Variants in CDCP1 observed in about 807,000 individuals in gnomAD.
The protein encoded by CDCP1 is CUB domain-containing protein 1.
CDCP1 carries 29 observed loss-of-function variants against 60.2 expected under a neutral mutation model. That is an observed-to-expected ratio of 0.48 (90% confidence interval 0.36 to 0.66). The LOEUF (loss-of-function observed/expected upper bound fraction) is 0.66, where lower values mean the gene tolerates loss of function less well. Among genes scored for constraint, CDCP1 ranks in the 30% least tolerant of loss-of-function variants. The probability of loss-of-function intolerance (pLI) is 0.00; values close to 1 mark genes in which losing one functional copy is unlikely to be tolerated. For missense variants in CDCP1, 876 were observed against 1,074.3 expected, an observed-to-expected ratio of 0.82 and a Z score of 2.58; for synonymous variants, 387 against 431.1, an observed-to-expected ratio of 0.90 and a Z score of 1.27.
chr3:45,099,675 G>A (rs1027881050), intron 4 of CDCP1, among the ~76,000 whole-genome samples: 7 of 151,242 alleles, frequency 4.6e-5, no homozygotes, highest in Admixed American at 1.3e-4. Flanking sequence ...TCTTTCTATC[G>A]CGCTGGCTTT....
intron 1 of CDCP1, among the ~76,000 whole-genome samples, chr3:45,137,464 G>A (rs1048220871): frequency 6.6e-6 from 1 of 152,142 alleles, no homozygotes; most frequent in Non-Finnish European, 1.5e-5. Flanking sequence ...CACCATTCGG[G>A]TTGTGGTGGG....
At chr3:45,095,235 G>A in intron 5 of CDCP1, 112 bp downstream of exon 5, 1 of 968,906 alleles carries the variant, frequency 1.0e-6, no homozygotes, top group Non-Finnish European at 1.6e-6. Context: ...TGCCCGGCCA[G>A]ATGGGCCTTT....
intron 4 of CDCP1, among the ~76,000 whole-genome samples, chr3:45,104,615 G>A (rs1698531249): frequency 6.6e-6 from 1 of 152,186 alleles, no homozygotes; most frequent in Non-Finnish European, 1.5e-5. Flanking sequence ...AAGGAGGAAT[G>A]ACTATTGTTA....
intron 4 of CDCP1, among the ~76,000 whole-genome samples, chr3:45,097,709 C>T (rs756048580): frequency 1.3e-5 from 2 of 152,156 alleles, no homozygotes; most frequent in Non-Finnish European, 2.9e-5. Context: ...GATGGACTCT[C>T]TCCTCTTGAA....
At chr3:45,112,534 A>G in intron 2 of CDCP1, 89 bp from the exon 3 acceptor site, 6 of 1,529,450 alleles carry the variant, frequency 3.9e-6, no homozygotes, top group Non-Finnish European at 5.3e-6. Flanking sequence ...CCTGTAGTAG[A>G]CTCTTTGGGG....
At chr3:45,146,105 A>T in intron 1 of CDCP1, 101 bp downstream of exon 1, 3 of 1,100,396 alleles carry the variant, frequency 2.7e-6, no homozygotes, top group South Asian at 1.6e-5. Flanking sequence ...CACCCTCCGC[A>T]CCCTCCGCAC....
chr3:45,100,779 A>G (rs138329073), intron 4 of CDCP1, among the ~76,000 whole-genome samples: 6 of 152,274 alleles, frequency 3.9e-5, no homozygotes, highest in Non-Finnish European at 7.4e-5. Context: ...GGAAGTCATG[A>G]TTTTCCTTTT....
chr3:45,118,558 G>C lies in CDCP1; in HGVS notation c.146C>G (p.Pro49Arg). Residue 49 changes from proline to arginine, a missense_variant, in exon 2 of 9, where the codon CCG (proline) becomes CGG (arginine). Pro to Arg is a moderately radical substitution (Grantham distance 103). Transcript: ENST00000296129. ...NITVLIKLGT[P>R]TLLAKPCYIV... The stretch of plus-strand genomic sequence containing the variant: ...GTAACAGGGTTTTGCCAGCAGAGTC[G>C]GGGTCCCCAGCTTTATGAGAACTGT... The C allele has an allele frequency of 6.2e-7, 1 of 1,614,084 alleles. No homozygotes were observed. Among genetic ancestry groups the C allele is most frequent in the Non-Finnish European group, 8.5e-7 (1 of 1,180,020 alleles).
rs1414882048 is a variant in CDCP1 at position 45,112,300 on chromosome 3, C to T, written c.438G>A (p.Leu146=). ...GLELQFSIPR[L]RQIGPGESCP... ...AGCTCTCACCCGGACCGATCTGCCT[C>T]AGGCGAGGGATGGAAAACTGCAGCT... is the stretch of plus-strand genomic sequence containing the variant. The change falls in exon 3 of 9, where the codon CTG becomes CTA. Residue 146 remains leucine (L), a synonymous_variant. Coordinates refer to ENST00000296129, the MANE Select transcript of CDCP1 (RefSeq NM_022842.5). The T allele has an allele frequency of 3.7e-6, 6 of 1,614,070 alleles. No individual in the cohort carries two copies. Among genetic ancestry groups the T allele is most frequent in the East Asian group, 2.2e-5 (1 of 44,892 alleles).
intron 1 of CDCP1, among the ~76,000 whole-genome samples, chr3:45,141,327 A>G (rs1482939491): frequency 1.3e-5 from 2 of 152,248 alleles, no homozygotes; most frequent in Non-Finnish European, 2.9e-5. Flanking sequence ...ATGGTTTGGT[A>G]GTCCTCAAGT....
chr3:45,086,543 C>T (rs925751685), intron 8 of CDCP1, among the ~76,000 whole-genome samples: 5 of 152,102 alleles, frequency 3.3e-5, no homozygotes, highest in African/African-American at 9.7e-5. Context: ...AAGCTCTGAC[C>T]ATCTAGATTT....
chr3:45,101,424 T>G (rs1698483589), intron 4 of CDCP1, among the ~76,000 whole-genome samples: 1 of 152,204 alleles, frequency 6.6e-6, no homozygotes, highest in Non-Finnish European at 1.5e-5. Context: ...CAACTGCCTC[T>G]CCTCTAGCCT....
chr3:45,085,514 A>G lies in CDCP1; in HGVS notation c.*124T>C, dbSNP rs1698171992. The G allele has an allele frequency of 9.7e-7, 1 of 1,028,982 alleles. No homozygotes were observed. The highest frequency in any genetic ancestry group is 2.3e-5 in the Admixed American group (1 of 43,366). The allele number at this position is 1,028,982 out of a possible 1,614,324, so 63.7% of individuals were successfully genotyped here. ...GAGCAATGTGAAGTTGGCGGTGTCC[A>G]GGAAAACCTCCTGCTGTTCCTTCTG... On this transcript the variant is annotated 3_prime_UTR_variant, in exon 9 of 9. Transcript: ENST00000296129. The surrounding 1 kb of genome is among the most constrained non-coding windows in gnomAD (Gnocchi z 4.2).
At chr3:45,106,443 G>C (rs906466135) in intron 4 of CDCP1, among the ~76,000 whole-genome samples, 1 of 152,186 alleles carries the variant, frequency 6.6e-6, no homozygotes, top group African/African-American at 2.4e-5. Context: ...CACTGTATCT[G>C]CCTTGCCCCT....
At chr3:45,135,360 C>A (rs914165331) in intron 1 of CDCP1, among the ~76,000 whole-genome samples, 8 of 151,776 alleles carry the variant, frequency 5.3e-5, no homozygotes, top group African/African-American at 1.9e-4. Context: ...TGGGGCAGAG[C>A]ACTTTCTGCA....
At chr3:45,106,645 C>T (rs1160849808) in intron 4 of CDCP1, among the ~76,000 whole-genome samples, 5 of 151,956 alleles carry the variant, frequency 3.3e-5, no homozygotes, top group Non-Finnish European at 1.5e-5. Context: ...GACGTGGAGA[C>T]AGATAAATCC....
intron 1 of CDCP1, among the ~76,000 whole-genome samples, chr3:45,136,915 C>A (rs963114009): frequency 2.0e-5 from 3 of 152,124 alleles, no homozygotes; most frequent in African/African-American, 7.2e-5. Flanking sequence ...GGAGGAACTT[C>A]GCAGGGTGAT....
At chr3:45,134,050 C>A (rs530507893) in intron 1 of CDCP1, among the ~76,000 whole-genome samples, 1 of 152,306 alleles carries the variant, frequency 6.6e-6, no homozygotes, top group East Asian at 1.9e-4. Context: ...CCACCCACGG[C>A]AGCCAGGGTG....
At chr3:45,127,330 G>T (rs61494715) in intron 1 of CDCP1, among the ~76,000 whole-genome samples, 6,236 of 152,282 alleles carry the variant, frequency 0.041, 321 homozygotes, top group South Asian at 0.12. Context: ...AACTGGCATG[G>T]TTCCACTGCT....
Sources: gnomAD v4.1 joint callset for allele counts (sites outside exome capture counted in the v4.1 genomes callset) on GRCh38, gnomAD v4.1.1 for gene constraint, Gnocchi (gnomAD v3.1) non-coding constraint, MANE v1.5 for transcripts, NCBI Gene and HGNC (gene_info 2026-07-23, HGNC 2026-07-21) for gene names.